The following CDH18 variants were observed in gnomAD, a reference collection of about 807,000 sequenced individuals.
The protein encoded by CDH18 is cadherin-18.
A neutral mutation model predicts 67.9 loss-of-function variants in CDH18; 31 were observed. The ratio of observed to expected loss-of-function variants is 0.46; its 90% CI spans 0.34 to 0.62. The LOEUF (loss-of-function observed/expected upper bound fraction) is 0.62. CDH18 is among the 20% of genes least tolerant of loss of function. CDH18 has a pLI of 0.01. For missense variants in CDH18, 890 were observed against 975.5 expected (o/e 0.91, Z 1.17); for synonymous variants, 362 against 347.2 (o/e 1.04, Z -0.48).
intron 8 of CDH18, among the ~76,000 whole-genome samples, chr5:19,551,668 T>G (rs1737476141): frequency 6.6e-6 from 1 of 152,160 alleles, no homozygotes; most frequent in Non-Finnish European, 1.5e-5. Flanking sequence ...TCCCTTTCTT[T>G]CTTGGGAAGC....
At chr5:20,369,000 T>G (rs190712591) in intron 1 of CDH18, among the ~76,000 whole-genome samples, 65 of 152,288 alleles carry the variant, frequency 4.3e-4, no homozygotes, top group African/African-American at 1.4e-3. Flanking sequence ...ATGCTTGACT[T>G]TTTCTTTTAT....
At chr5:20,281,523 T>C (rs1482832535) in intron 1 of CDH18, among the ~76,000 whole-genome samples, 3 of 152,126 alleles carry the variant, frequency 2.0e-5, no homozygotes, top group Admixed American at 6.5e-5. Flanking sequence ...GTTGTAGATA[T>C]GTGGCATTAT....
intron 6 of CDH18, among the ~76,000 whole-genome samples, chr5:19,592,409 C>G (rs1302033096): frequency 6.6e-6 from 1 of 151,886 alleles, no homozygotes; most frequent in Admixed American, 6.6e-5. Flanking sequence ...CTTATTAGAG[C>G]AATTTATTAT....
At chr5:19,728,542 T>C (rs1222402119) in intron 4 of CDH18, among the ~76,000 whole-genome samples, 2 of 152,186 alleles carry the variant, frequency 1.3e-5, no homozygotes, top group African/African-American at 2.4e-5. Context: ...GTTTGTTTTT[T>C]GGTACTACTG....
At chr5:20,083,259 A>C (rs898809122) in intron 2 of CDH18, among the ~76,000 whole-genome samples, 3 of 152,196 alleles carry the variant, frequency 2.0e-5, no homozygotes, top group Non-Finnish European at 1.5e-5. Flanking sequence ...AGGAATAATT[A>C]ATATGAAAGT....
chr5:19,473,257 T>C lies in CDH18; in HGVS notation c.2342A>G (p.Tyr781Cys), dbSNP rs144407594. 7.2e-5 allele frequency: 116 copies of C among 1,613,490 alleles called. No individual in the cohort carries two copies. The Admixed American group carries it at 8.3e-4, about 12-fold the overall frequency. ...GPEFKKLAEL[Y>C]GEIESERTT The stretch of plus-strand genomic sequence containing the variant: ...TGTTCTTTCAGATTCTATTTCTCCA[T>C]AGAGTTCAGCTAACTTTTTAAACTC... Residue 781 changes from tyrosine (Y) to cysteine (C), a missense_variant, in exon 13 of 13, where the codon TAT becomes TGT. Coordinates refer to ENST00000382275, the MANE Select transcript of CDH18 (RefSeq NM_004934.5).
chr5:19,894,251 C>A (rs564230153), intron 2 of CDH18, among the ~76,000 whole-genome samples: 1 of 151,970 alleles, frequency 6.6e-6, no homozygotes, highest in South Asian at 2.1e-4. Flanking sequence ...GTAAACATAT[C>A]AAAAATTTAA....
At chr5:19,891,137 C>T (rs938757471) in intron 2 of CDH18, among the ~76,000 whole-genome samples, 1 of 152,080 alleles carries the variant, frequency 6.6e-6, no homozygotes, top group Non-Finnish European at 1.5e-5. Flanking sequence ...TCCATTTTAC[C>T]TATCCCTGTT....
At chr5:20,029,485 C>A (rs1367627027) in intron 2 of CDH18, among the ~76,000 whole-genome samples, 1 of 152,088 alleles carries the variant, frequency 6.6e-6, no homozygotes, top group African/African-American at 2.4e-5. Flanking sequence ...ATTTGCAAGT[C>A]TTGTCTTTCA....
intron 1 of CDH18, among the ~76,000 whole-genome samples, chr5:20,354,196 A>T (rs1186395361): frequency 6.6e-6 from 1 of 152,238 alleles, no homozygotes; most frequent in African/African-American, 2.4e-5. Context: ...AAAATGTAAG[A>T]TAAAAGTGCA....
intron 1 of CDH18, among the ~76,000 whole-genome samples, chr5:20,523,884 C>T (rs985798985): frequency 1.3e-5 from 2 of 152,090 alleles, no homozygotes; most frequent in Admixed American, 1.3e-4. Flanking sequence ...CAAAAAAGTG[C>T]ATTTGCATTT....
intron 2 of CDH18, among the ~76,000 whole-genome samples, chr5:20,180,711 T>C (rs1055264283): frequency 5.9e-5 from 9 of 152,134 alleles, no homozygotes; most frequent in Non-Finnish European, 1.3e-4. Flanking sequence ...CAGTGCATTG[T>C]TGGCACCATG....
At chr5:19,758,676 T>C (rs1771948825) in intron 3 of CDH18, among the ~76,000 whole-genome samples, 1 of 152,350 alleles carries the variant, frequency 6.6e-6, no homozygotes, top group Non-Finnish European at 1.5e-5. Flanking sequence ...TCTTTCTTCA[T>C]TGTAGGAGGT....
Position 19,778,829 on chromosome 5 carries a change from C to G in CDH18, c.229-31593G>C, listed in dbSNP as rs115780422. Among the ~76,000 whole-genome samples, 806 of 152,246 alleles carry G rather than the reference C, an allele frequency of 5.3e-3. 4 individuals carry two copies. The highest frequency in any genetic ancestry group is 0.019 in the African/African-American group (769 of 41,554). On this transcript the variant is annotated intron_variant, in intron 3 of 12. Transcript: ENST00000382275. ...CATCTCCTCATGCTGATATCTCATC[C>G]CTGGACAGGAGAATATGAGGAAATT...
At chr5:19,688,063 T>A (rs890368624) in intron 5 of CDH18, among the ~76,000 whole-genome samples, 2 of 152,158 alleles carry the variant, frequency 1.3e-5, no homozygotes, top group Non-Finnish European at 2.9e-5. Flanking sequence ...CTACCCAGCT[T>A]ACAGCAGCCA....
At chr5:19,583,896 G>C (rs1293603530) in intron 7 of CDH18, among the ~76,000 whole-genome samples, 2 of 152,130 alleles carry the variant, frequency 1.3e-5, no homozygotes, top group African/African-American at 2.4e-5. Flanking sequence ...CGAAGGACAA[G>C]TTTAAAATTT....
At chr5:20,043,984 A>G (rs1740680559) in intron 2 of CDH18, among the ~76,000 whole-genome samples, 2 of 152,226 alleles carry the variant, frequency 1.3e-5, no homozygotes, top group South Asian at 4.1e-4. Flanking sequence ...ATGCTCCTTC[A>G]ATGATGGCAA....
chr5:19,755,208 TA>T (rs962582303), intron 3 of CDH18, among the ~76,000 whole-genome samples: 11 of 143,714 alleles, frequency 7.7e-5, no homozygotes, highest in East Asian at 2.1e-4. Context: ...ATACAAAAAA[TA>T]AAAAAATAAA....
rs70950076 is a variant in CDH18, at chr5:19,593,709, T to TCCTCCTCCTTCTTCC, written c.812-2466_812-2465insGGAAGAAGGAGGAGG. Among the ~76,000 whole-genome samples, 660 of 111,194 alleles carry TCCTCCTCCTTCTTCC rather than the reference T, an allele frequency of 5.9e-3. 37 individuals are homozygous for TCCTCCTCCTTCTTCC. Among genetic ancestry groups the TCCTCCTCCTTCTTCC allele is most frequent in the Admixed American group, 0.01 (116 of 11,224 alleles). The allele number at this position is 111,194 out of a possible 152,430, so 72.9% of individuals were successfully genotyped here. A position where few individuals can be genotyped will look rare whatever the true frequency, so the allele number is the denominator to read the frequency against. The stretch of plus-strand genomic sequence containing the variant: ...CTTCTCTTCCTCTTCCTCCTCCTCC[T>TCCTCCTCCTTCTTCC]TCTTCTTCTTCTTCTTCTTCTTCTT... On this transcript the variant is annotated intron_variant, in intron 6 of 12. Transcript: ENST00000382275.
Sources: gnomAD v4.1 joint callset for allele counts (sites outside exome capture counted in the v4.1 genomes callset) on GRCh38, gnomAD v4.1.1 for gene constraint, MANE v1.5 for transcripts, NCBI Gene and HGNC (gene_info 2026-07-23, HGNC 2026-07-21) for gene names.